The following ZNF626 variants were observed in gnomAD, a reference collection of about 807,000 sequenced individuals.
ZNF626 encodes CTC-513N18.7.
ZNF626 carries 4 observed loss-of-function variants against 11.7 expected under a neutral mutation model. The observed-to-expected ratio is 0.34, with a 90% confidence interval of 0.17 to 0.78. The LOEUF is 0.78. Among genes scored for constraint, ZNF626 ranks in the 30% least tolerant of loss-of-function variants. The probability of loss-of-function intolerance (pLI) is 0.57; values close to 1 mark genes in which losing one functional copy is unlikely to be tolerated. For missense variants in ZNF626, 588 were observed against 587.1 expected, an observed-to-expected ratio of 1.00 and a Z score of -0.01; for synonymous variants, 179 against 198.6, an observed-to-expected ratio of 0.90 and a Z score of 0.83.
rs1465201273 is a variant in ZNF626 at position 20,622,006 on chromosome 19, G to T, written c.*2284C>A. ...GTTTGAGACTAGCCTGACCAATATG[G>T]GGAAACCCCATGTCTATTAAAAATA... is the stretch of plus-strand genomic sequence containing the variant. On this transcript the variant is annotated 3_prime_UTR_variant, in exon 4 of 4. Transcript: ENST00000601440. The T allele has an allele frequency of 6.6e-6, 1 of 152,212 alleles. No individual in the cohort carries two copies. Among genetic ancestry groups the T allele is most frequent in the Non-Finnish European group, 1.5e-5 (1 of 68,052 alleles). The allele number at this position is 152,212 out of a possible 1,614,324, so 9.4% of individuals were successfully genotyped here. A position where few individuals can be genotyped will look rare whatever the true frequency, so the allele number is the denominator to read the frequency against.
At chr19:20,639,768 A>T (rs979396287) in intron 3 of ZNF626, among the ~76,000 whole-genome samples, 2 of 152,198 alleles carry the variant, frequency 1.3e-5, no homozygotes, top group African/African-American at 4.8e-5. Context: ...AAAAAGACTA[A>T]AATTACACAC....
Position 20,624,899 on chromosome 19 carries a change from A to G in ZNF626, c.978T>C (p.Tyr326=), listed in dbSNP as rs782076286. The change falls in exon 4 of 4, where the codon TAT becomes TAC. Residue 326 remains tyrosine, a synonymous_variant. Coordinates refer to ENST00000601440, the MANE Select transcript of ZNF626 (RefSeq NM_001076675.3). ...GAATTCTTTTATGTGTAGTAAGGGTATAGGAGTACTTAAAGGCTTTGTCAC... is the reference window on the plus strand; with the variant it reads ...GAATTCTTTTATGTGTAGTAAGGGTGTAGGAGTACTTAAAGGCTTTGTCAC... The part of the protein sequence containing the change: ...EECDKAFKYS[Y]TLTTHKRIHT... 6.2e-7 allele frequency: 1 copy of G among 1,611,488 alleles called. No homozygotes were observed. Among genetic ancestry groups the G allele is most frequent in the Non-Finnish European group, 8.5e-7 (1 of 1,179,436 alleles).
rs1202637195 is a variant in ZNF626, at chr19:20,624,724, T to C, written c.1153A>G (p.Thr385Ala). Residue 385 changes from threonine (T) to alanine (A), a missense_variant, in exon 4 of 4, where the codon ACT (threonine) becomes GCT (alanine). Around this residue, in one of 4 missense-constraint regions of ZNF626, gnomAD observed 524 missense variants for 470.1 expected, o/e 1.11. Transcript: ENST00000601440. ...CCAGTATGAATTATCTTATGCGTAG[T>C]AAGGTCTGAAGACCGCTTGAAGGCT... ...GKAFKRSSDL[T>A]THKIIHTGEK... 6.2e-7 allele frequency: 1 copy of C among 1,609,792 alleles called. No homozygotes were observed. Among genetic ancestry groups the C allele is most frequent in the African/African-American group, 1.3e-5 (1 of 74,792 alleles).
In ZNF626 at chr19:20,647,483, G is replaced by GTTT. The variant is rs1970092869; in HGVS notation, c.4-1079_4-1078insAAA. 2.5e-5 allele frequency among the ~76,000 whole-genome samples: 3 copies of GTTT among 119,128 alleles called. No homozygotes were observed. The Admixed American group carries it at 2.6e-4, about 10-fold the overall frequency. The allele number at this position is 119,128 out of a possible 152,430, so 78.2% of individuals were successfully genotyped here. ...TAACTGTTAACTGCACTAGGACAAT[G>GTTT]GTTTTTTTTTTTTTTTTTTTTGAGA... On this transcript the variant is annotated intron_variant, in intron 1 of 3. Transcript: ENST00000601440.
intron 3 of ZNF626, among the ~76,000 whole-genome samples, chr19:20,633,999 C>T (rs144295823): frequency 2.0e-5 from 3 of 152,268 alleles, no homozygotes; most frequent in African/African-American, 7.2e-5. Flanking sequence ...ACACAAGCTA[C>T]AAGTTAAGTT....
chr19:20,652,376 C>A (rs1970156566), intron 1 of ZNF626, among the ~76,000 whole-genome samples: 1 of 150,378 alleles, frequency 6.6e-6, no homozygotes, highest in South Asian at 2.1e-4. Context: ...TTATATATAA[C>A]CTGCGAGCAA....
intron 3 of ZNF626, among the ~76,000 whole-genome samples, chr19:20,640,457 A>G (rs1296959099): frequency 6.6e-6 from 1 of 151,542 alleles, no homozygotes; most frequent in Non-Finnish European, 1.5e-5. Flanking sequence ...AAGAGTAACA[A>G]CATCCCTTAG....
chr19:20,661,559 T>G lies in ZNF626; in HGVS notation c.-113A>C. 7.9e-7 allele frequency: 1 copy of G among 1,262,956 alleles called. No homozygotes were observed. Among genetic ancestry groups the G allele is most frequent in the Non-Finnish European group, 1.1e-6 (1 of 892,876 alleles). 78.2% of individuals were successfully genotyped at this position (1,262,956 alleles called of 1,614,324 possible). A position where few individuals can be genotyped will look rare whatever the true frequency, so the allele number is the denominator to read the frequency against. ...GAAGAACCAGACCTGGAGCTCTGACTGCAGCGAGAGACAAAGGCCGCACCA... is the reference window on the plus strand; with the variant it reads ...GAAGAACCAGACCTGGAGCTCTGACGGCAGCGAGAGACAAAGGCCGCACCA... On this transcript the variant is annotated 5_prime_UTR_variant, in exon 1 of 4. Transcript: ENST00000601440.
At chr19:20,642,534 T>C (rs1238796640) in intron 3 of ZNF626, among the ~76,000 whole-genome samples, 1 of 151,990 alleles carries the variant, frequency 6.6e-6, no homozygotes, top group African/African-American at 2.4e-5. Flanking sequence ...AGGCGGAGGT[T>C]GCAGTGAGCT....
At position 20,631,069 on chromosome 19, in the gene ZNF626, T is replaced by C. The variant is rs1346358383; in HGVS notation, c.227-5419A>G. Among the ~76,000 whole-genome samples the C allele has an allele frequency of 1.3e-4, 20 of 152,296 alleles. No individual in the cohort carries two copies. The East Asian group carries it at 3.3e-3, about 25-fold the overall frequency. On this transcript the variant is annotated intron_variant, in intron 3 of 3. Transcript: ENST00000601440. ...TCAGGAGCAGGTTGTTCAGTTTCCATGTAGTTGAGTGGTTTTGAGTGAGTT... is the reference window on the plus strand; with the variant it reads ...TCAGGAGCAGGTTGTTCAGTTTCCACGTAGTTGAGTGGTTTTGAGTGAGTT...
At chr19:20,629,569 TTTGGC>T (rs1969879656) in intron 3 of ZNF626, among the ~76,000 whole-genome samples, 1 of 152,220 alleles carries the variant, frequency 6.6e-6, no homozygotes, top group Non-Finnish European at 1.5e-5. Flanking sequence ...TTACTCATGA[TTTGGC>T]TCTCTGTCTG....
At chr19:20,645,552 A>G in intron 3 of ZNF626, 132 bp downstream of exon 3, 1 of 1,553,198 alleles carries the variant, frequency 6.4e-7, no homozygotes, top group African/African-American at 1.4e-5. Context: ...CAAACAAACA[A>G]AAAATAGCTG....
At chr19:20,634,014 A>G (rs1969939321) in intron 3 of ZNF626, among the ~76,000 whole-genome samples, 1 of 152,214 alleles carries the variant, frequency 6.6e-6, no homozygotes, top group Non-Finnish European at 1.5e-5. Context: ...TAAGTTAAAA[A>G]CTGTCATACT....
chr19:20,645,588 C>T (rs1193345318), intron 3 of ZNF626, 96 bp downstream of exon 3: 3 of 1,553,580 alleles, frequency 1.9e-6, no homozygotes, highest in African/African-American at 2.8e-5. Flanking sequence ...CTTTGGAACA[C>T]AGCTCCCCAA....
intron 3 of ZNF626, among the ~76,000 whole-genome samples, chr19:20,638,188 C>T (rs185497715): frequency 7.4e-4 from 113 of 151,962 alleles, no homozygotes; most frequent in African/African-American, 2.6e-3. Context: ...TTTGGGAGGC[C>T]GAAATGGGCA....
intron 1 of ZNF626, among the ~76,000 whole-genome samples, chr19:20,652,695 T>A (rs981748629): frequency 3.3e-5 from 5 of 152,166 alleles, no homozygotes. Context: ...GTCTCTGAGT[T>A]TGATAACTAA....
chr19:20,627,581 TTC>T (rs1173287429), intron 3 of ZNF626, among the ~76,000 whole-genome samples: 1 of 152,022 alleles, frequency 6.6e-6, no homozygotes, highest in Non-Finnish European at 1.5e-5. Flanking sequence ...TAGTAAGTTT[TTC>T]TCTTTCAGAA....
rs782060552 is a variant in ZNF626 at position 20,625,077 on chromosome 19, A to C, written c.800T>G (p.Met267Arg). 2 of 1,607,040 alleles carry C rather than the reference A, an allele frequency of 1.2e-6. No homozygotes were observed. Among genetic ancestry groups the C allele is most frequent in the East Asian group, 4.5e-5 (2 of 44,422 alleles). Residue 267 changes from methionine to arginine, a missense_variant, in exon 4 of 4, where the codon ATG becomes AGG. Physicochemically the swap from Met to Arg is moderately conservative, Grantham distance 91. Around this residue, in one of 4 missense-constraint regions of ZNF626, gnomAD observed 524 missense variants for 470.1 expected, o/e 1.11. Transcript: ENST00000601440. Reference sequence around the variant, plus strand: ...ATGTTTACTAAGGGTTGAGGATGACATAAAGGCTTTGCCACATTTATCACA... The same window carrying C: ...ATGTTTACTAAGGGTTGAGGATGACCTAAAGGCTTTGCCACATTTATCACA... ...YKCDKCGKAF[M>R]SSSTLSKHEI...
At chr19:20,651,399 C>G (rs76732294) in intron 1 of ZNF626, among the ~76,000 whole-genome samples, 3,382 of 151,284 alleles carry the variant, frequency 0.022, 141 homozygotes, top group African/African-American at 0.078. Context: ...GGAACCATGG[C>G]TGCTTCATGT....
Sources: gnomAD v4.1 joint callset for allele counts (sites outside exome capture counted in the v4.1 genomes callset) on GRCh38, gnomAD v4.1.1 for gene constraint, gnomAD v4.1.1 regional missense constraint, MANE v1.5 for transcripts, NCBI Gene and HGNC (gene_info 2026-07-23, HGNC 2026-07-21) for gene names.